Variants in NRXN1 observed in about 807,000 individuals in gnomAD.
The protein encoded by NRXN1 is neurexin-1.
A neutral mutation model predicts 150.9 loss-of-function variants in NRXN1; 39 were observed. That is an observed-to-expected ratio of 0.26 (90% confidence interval 0.20 to 0.34). The LOEUF is 0.34. Ranked by LOEUF, NRXN1 falls within the 10% of genes least tolerant of loss-of-function variation. The probability of loss-of-function intolerance (pLI) is 1.00; values close to 1 mark genes in which losing one functional copy is unlikely to be tolerated. For synonymous variants in NRXN1, 924 were observed against 757.0 expected (o/e 1.22, Z -3.62); for missense variants, 1,815 against 1,949.9 (o/e 0.93, Z 1.30).
At chr2:50,098,226 A>T (rs1398440025) in intron 18 of NRXN1, among the ~76,000 whole-genome samples, 1 of 152,160 alleles carries the variant, frequency 6.6e-6, no homozygotes, top group Non-Finnish European at 1.5e-5. Flanking sequence ...GCATTTTCCT[A>T]CTACTGGGAG....
chr2:50,446,983 T>G (rs2086471165), intron 17 of NRXN1, among the ~76,000 whole-genome samples: 1 of 152,128 alleles, frequency 6.6e-6, no homozygotes, highest in South Asian at 2.1e-4. Context: ...AATGCAATCC[T>G]TTATCTTCTT....
At chr2:50,235,417 T>TA (rs2065324413) in intron 18 of NRXN1, among the ~76,000 whole-genome samples, 1 of 152,100 alleles carries the variant, frequency 6.6e-6, no homozygotes, top group African/African-American at 2.4e-5. Flanking sequence ...TATGGTTCAA[T>TA]AATGGCTGTG....
At position 50,857,278 on chromosome 2, in the gene NRXN1, T is replaced by G. The variant is rs868748871; in HGVS notation, c.832+64591A>C. Among the ~76,000 whole-genome samples the G allele has an allele frequency of 7.2e-5, 11 of 151,970 alleles. 1 individual carries two copies. The Middle Eastern group carries it at 0.01, about 141-fold the overall frequency. On this transcript the variant is annotated intron_variant, in intron 5 of 22. Transcript: ENST00000401669. Reference sequence around the variant, plus strand: ...ATAAACTAAAAAGGAAAGAAGAAACTTGGTTGGGGCAAGGATAGTGGGGTG... The same window carrying G: ...ATAAACTAAAAAGGAAAGAAGAAACGTGGTTGGGGCAAGGATAGTGGGGTG...
At chr2:50,384,438 G>T (rs1306162141) in intron 17 of NRXN1, among the ~76,000 whole-genome samples, 1 of 147,506 alleles carries the variant, frequency 6.8e-6, no homozygotes, top group African/African-American at 2.5e-5. Flanking sequence ...CTCAAGAGGT[G>T]GAGGTTGCAG....
At chr2:50,011,921 G>A (rs1003779544) in intron 21 of NRXN1, among the ~76,000 whole-genome samples, 1 of 151,960 alleles carries the variant, frequency 6.6e-6, no homozygotes, top group Non-Finnish European at 1.5e-5. Context: ...TGATTACATA[G>A]CCAGCAAATG....
intron 18 of NRXN1, among the ~76,000 whole-genome samples, chr2:50,177,897 G>A (rs1223522617): frequency 2.0e-5 from 3 of 149,782 alleles, no homozygotes; most frequent in Non-Finnish European, 4.4e-5. Flanking sequence ...AGAAAGGAAG[G>A]AAGCATATGA....
chr2:50,663,261 C>G (rs1687569683), intron 5 of NRXN1, among the ~76,000 whole-genome samples: 1 of 152,038 alleles, frequency 6.6e-6, no homozygotes, highest in African/African-American at 2.4e-5. Flanking sequence ...CACCTTGTTC[C>G]TTCCAACTTT....
chr2:50,647,542 A>T (rs879492988), intron 5 of NRXN1, among the ~76,000 whole-genome samples: 2 of 151,906 alleles, frequency 1.3e-5, no homozygotes, highest in Non-Finnish European at 2.9e-5. Context: ...GTGGTATCCT[A>T]ACTAGTGGAA....
chr2:50,641,230 T>C (rs1015074457), intron 5 of NRXN1, among the ~76,000 whole-genome samples: 2 of 152,186 alleles, frequency 1.3e-5, no homozygotes, highest in Non-Finnish European at 2.9e-5. Context: ...AGCCTCCTCA[T>C]AAAAGGCTTT....
intron 5 of NRXN1, among the ~76,000 whole-genome samples, chr2:50,825,628 C>T (rs1182847045): frequency 1.3e-5 from 2 of 152,150 alleles, no homozygotes; most frequent in East Asian, 1.9e-4. Flanking sequence ...TATCTGTATC[C>T]TTTGTAATAT....
intron 5 of NRXN1, among the ~76,000 whole-genome samples, chr2:50,709,405 CATT>C (rs1313062215): frequency 5.9e-5 from 9 of 152,008 alleles, no homozygotes; most frequent in African/African-American, 2.2e-4. Flanking sequence ...TGTTATGAGA[CATT>C]ATAGCAGGAG....
chr2:50,644,508 T>A lies in NRXN1; in HGVS notation c.833-20893A>T, dbSNP rs537640855. ...AAATAAGCAACCCCTGGAGGATTCATCTCTATGACCCTACAGTCCGAAACT... is the reference window on the plus strand; with the variant it reads ...AAATAAGCAACCCCTGGAGGATTCAACTCTATGACCCTACAGTCCGAAACT... On this transcript the variant is annotated intron_variant, in intron 5 of 22. Coordinates refer to ENST00000401669, the MANE Select transcript of NRXN1 (RefSeq NM_001330078.2). Among the ~76,000 whole-genome samples the A allele has an allele frequency of 5.0e-4, 76 of 151,776 alleles. 1 individual carries two copies. The highest frequency in any genetic ancestry group is 1.9e-3 in the East Asian group (10 of 5,134).
In NRXN1 at chr2:50,162,580, A is replaced by G. The variant is rs569405698; in HGVS notation, c.3547-71086T>C. On this transcript the variant is annotated intron_variant, in intron 18 of 22. Transcript: ENST00000401669. ...TAAGATAAAACCATAAAAGTATGAA[A>G]TAATAAAAAGGGCACCAAATTCACT... is the stretch of plus-strand genomic sequence containing the variant. 9.9e-4 allele frequency among the ~76,000 whole-genome samples: 151 copies of G among 152,280 alleles called. 1 individual carries two copies. In the South Asian group the frequency reaches 0.031, roughly 31 times the overall value.
chr2:50,975,676 G>T (rs1416593772), intron 2 of NRXN1, among the ~76,000 whole-genome samples: 1 of 151,970 alleles, frequency 6.6e-6, no homozygotes, highest in Non-Finnish European at 1.5e-5. Context: ...TTCTTTGCTT[G>T]CCCTGCGTCC....
chr2:50,580,214 A>G (rs558466748), intron 8 of NRXN1, among the ~76,000 whole-genome samples: 1 of 152,332 alleles, frequency 6.6e-6, no homozygotes, highest in South Asian at 2.1e-4. Flanking sequence ...TGCAAATTAT[A>G]AACTCAGAAA....
chr2:50,201,519 G>C (rs2062162479), intron 18 of NRXN1, among the ~76,000 whole-genome samples: 1 of 152,192 alleles, frequency 6.6e-6, no homozygotes, highest in African/African-American at 2.4e-5. Flanking sequence ...CATTAGTACT[G>C]TTCTAAAGTT....
chr2:50,899,568 A>T (rs1439828784), intron 5 of NRXN1, among the ~76,000 whole-genome samples: 3 of 152,088 alleles, frequency 2.0e-5, no homozygotes, highest in African/African-American at 7.2e-5. Context: ...CCAGAGAGAA[A>T]ATTTTTTAAA....
At chr2:50,219,847 A>T (rs1475932195) in intron 18 of NRXN1, among the ~76,000 whole-genome samples, 1 of 145,218 alleles carries the variant, frequency 6.9e-6, no homozygotes, top group Non-Finnish European at 1.5e-5. Flanking sequence ...CTATAACCAC[A>T]CTACTGTACT....
At chr2:50,024,282 C>T (rs1265055854) in intron 21 of NRXN1, among the ~76,000 whole-genome samples, 4 of 152,148 alleles carry the variant, frequency 2.6e-5, no homozygotes, top group African/African-American at 7.2e-5. Flanking sequence ...GACCTTAGAC[C>T]GTGACTACTC....
Sources: allele counts gnomAD v4.1 joint callset (sites outside exome capture counted in the v4.1 genomes callset), GRCh38; gene constraint gnomAD v4.1.1; transcripts MANE v1.5; gene names NCBI Gene and HGNC (gene_info 2026-07-23, HGNC 2026-07-21).